The following PRR5L variants were observed in gnomAD, a reference collection of about 807,000 sequenced individuals.
PRR5L encodes proline rich 5 like.
PRR5L carries 21 observed loss-of-function variants against 36.4 expected under a neutral mutation model. The ratio of observed to expected loss-of-function variants is 0.58; its 90% CI spans 0.41 to 0.83. PRR5L has a LOEUF of 0.83. Ranked by LOEUF, PRR5L falls within the 40% of genes least tolerant of loss-of-function variation. The probability of loss-of-function intolerance (pLI) is 0.00; values close to 1 mark genes in which losing one functional copy is unlikely to be tolerated. For synonymous variants in PRR5L, 188 were observed against 197.0 expected (o/e 0.95, Z 0.38); for missense variants, 381 against 473.3 (o/e 0.80, Z 1.81).
At chr11:36,462,220 C>A in intron 8 of PRR5L, 122 bp from the exon 9 acceptor site, 1 of 902,220 alleles carries the variant, frequency 1.1e-6, no homozygotes, top group Non-Finnish European at 1.6e-6. Context: ...TGTGGCAGGG[C>A]TGCACCTAAG....
chr11:36,411,389 G>A (rs1047248375), intron 3 of PRR5L, among the ~76,000 whole-genome samples: 3 of 152,174 alleles, frequency 2.0e-5, no homozygotes, highest in Admixed American at 6.5e-5. Flanking sequence ...CTGTCAACTG[G>A]GGTGGTGTCT....
At chr11:36,325,226 G>C (rs1320209063) in intron 1 of PRR5L, among the ~76,000 whole-genome samples, 1 of 152,224 alleles carries the variant, frequency 6.6e-6, no homozygotes, top group African/African-American at 2.4e-5. Flanking sequence ...ACCAACCCGG[G>C]CACTTAACCG....
chr11:36,437,547 AGGGCTCC>A, intron 6 of PRR5L, 71 bp downstream of exon 6: 1 of 908,290 alleles, frequency 1.1e-6, no homozygotes, highest in Non-Finnish European at 1.7e-6. Context: ...TTGCGGCCTG[AGGGCTCC>A]TGGTAAATGG....
chr11:36,306,620 G>T (rs541870447), intron 1 of PRR5L, among the ~76,000 whole-genome samples: 1 of 152,090 alleles, frequency 6.6e-6, no homozygotes, highest in African/African-American at 2.4e-5. Flanking sequence ...GAGTGAAAGG[G>T]GAGGTGCATT....
intron 1 of PRR5L, among the ~76,000 whole-genome samples, chr11:36,306,761 A>G (rs1565375272): frequency 1.3e-5 from 2 of 152,162 alleles, no homozygotes; most frequent in Admixed American, 1.3e-4. Context: ...AACCACCACC[A>G]AAAAAGTCTG....
intron 1 of PRR5L, among the ~76,000 whole-genome samples, chr11:36,350,978 A>T (rs377425212): frequency 0.63 from 23,578 of 37,290 alleles, 7,404 homozygotes; most frequent in East Asian, 0.83. Flanking sequence ...ATTTATATAT[A>T]TTTATATATT....
intron 8 of PRR5L, among the ~76,000 whole-genome samples, chr11:36,459,507 A>G (rs908993855): frequency 6.6e-6 from 1 of 152,142 alleles, no homozygotes; most frequent in African/African-American, 2.4e-5. Context: ...TGGAAAGGCA[A>G]TGGGGCTTAC....
intron 1 of PRR5L, among the ~76,000 whole-genome samples, chr11:36,301,635 A>G (rs1276581136): frequency 6.6e-6 from 1 of 152,128 alleles, no homozygotes; most frequent in Non-Finnish European, 1.5e-5. Context: ...TCTTTTAATA[A>G]ACATACGGAG....
intron 1 of PRR5L, among the ~76,000 whole-genome samples, chr11:36,388,485 G>T (rs1857495952): frequency 6.6e-6 from 1 of 152,166 alleles, no homozygotes; most frequent in Non-Finnish European, 1.5e-5. Context: ...GGCTTATAGA[G>T]AAAAGACTTC....
At chr11:36,347,918 G>A (rs1856884085) in intron 1 of PRR5L, among the ~76,000 whole-genome samples, 1 of 152,022 alleles carries the variant, frequency 6.6e-6, no homozygotes, top group South Asian at 2.1e-4. Flanking sequence ...AAAAGTTTCT[G>A]AATCTCTCCA....
Position 36,374,047 on chromosome 11 carries a change from C to CTCCT in PRR5L, c.-125-26893_-125-26890dup, listed in dbSNP as rs59668248. 7.2e-3 allele frequency among the ~76,000 whole-genome samples: 846 copies of CTCCT among 117,744 alleles called. 19 individuals carry two copies. Among genetic ancestry groups the CTCCT allele is most frequent in the African/African-American group, 0.022 (687 of 31,300 alleles). 77.2% of individuals were successfully genotyped at this position (117,744 alleles called of 152,430 possible). On this transcript the variant is annotated intron_variant, in intron 1 of 8. Transcript: ENST00000530639. ...GTAAAAGACAGATAATAATTTTTTC[C>CTCCT]TCCTTCCTTCCTTCCTTCCTTCCTT...
At chr11:36,329,296 GAA>G (rs2133470646) in intron 1 of PRR5L, 1 of 152,230 alleles carries the variant, frequency 6.6e-6, no homozygotes, top group East Asian at 1.9e-4. Flanking sequence ...TAAATCCTTT[GAA>G]GTTATATCAA....
chr11:36,367,180 C>A (rs1467798313), intron 1 of PRR5L, among the ~76,000 whole-genome samples: 1 of 151,988 alleles, frequency 6.6e-6, no homozygotes, highest in East Asian at 1.9e-4. Context: ...CAACAGCATG[C>A]AGTAATACAC....
rs1308630949 is a variant in PRR5L at position 36,414,580 on chromosome 11, T to G, written c.246-4675T>G. On this transcript the variant is annotated intron_variant, in intron 3 of 8. Coordinates refer to ENST00000530639, the MANE Select transcript of PRR5L (RefSeq NM_001160167.2). ...GGTTGTTTGTTTTTTTCTTGTAAAT[T>G]TGTTTGAGTTCATTGTAGATTCTGG... 3.8e-3 allele frequency among the ~76,000 whole-genome samples: 536 copies of G among 141,548 alleles called. 32 individuals carry two copies. In the East Asian group the frequency reaches 0.066, roughly 17 times the overall value. The allele number at this position is 141,548 out of a possible 152,430, so 92.9% of individuals were successfully genotyped here. A position where few individuals can be genotyped will look rare whatever the true frequency, so the allele number is the denominator to read the frequency against.
chr11:36,297,112 C>T (rs180880822), intron 1 of PRR5L, among the ~76,000 whole-genome samples: 3 of 152,108 alleles, frequency 2.0e-5, no homozygotes, highest in East Asian at 1.9e-4. Flanking sequence ...AATTGAAGTA[C>T]GGATAATTTA....
At chr11:36,365,636 GTAT>G (rs1223994580) in intron 1 of PRR5L, among the ~76,000 whole-genome samples, 2 of 152,108 alleles carry the variant, frequency 1.3e-5, no homozygotes, top group African/African-American at 4.8e-5. Flanking sequence ...ACATTTCATG[GTAT>G]TATCCCTTCC....
At chr11:36,452,361 G>T (rs573194667) in intron 8 of PRR5L, among the ~76,000 whole-genome samples, 1 of 152,312 alleles carries the variant, frequency 6.6e-6, no homozygotes, top group South Asian at 2.1e-4. Flanking sequence ...CTCCAGTGAG[G>T]TTCCTGCCCC....
intron 1 of PRR5L, among the ~76,000 whole-genome samples, chr11:36,310,253 A>G (rs891158625): frequency 2.0e-5 from 3 of 152,314 alleles, no homozygotes; most frequent in African/African-American, 4.8e-5. Flanking sequence ...CTTGGCAGCA[A>G]GCGCATCAAG....
chr11:36,355,389 A>G (rs903121000), intron 1 of PRR5L, among the ~76,000 whole-genome samples: 4 of 152,178 alleles, frequency 2.6e-5, no homozygotes, highest in Admixed American at 1.3e-4. Context: ...AGCATATTGC[A>G]CTTTCACCAA....
Sources: allele counts gnomAD v4.1 joint callset (sites outside exome capture counted in the v4.1 genomes callset), GRCh38; gene constraint gnomAD v4.1.1; transcripts MANE v1.5; gene names NCBI Gene and HGNC (gene_info 2026-07-23, HGNC 2026-07-21).